The following FMNL3 variants were observed in gnomAD, a reference collection of about 807,000 sequenced individuals.
FMNL3 encodes formin-like protein 3.
FMNL3 carries 57 observed loss-of-function variants against 119.6 expected under a neutral mutation model. The observed-to-expected ratio is 0.48, with a 90% CI of 0.39 to 0.59. FMNL3 has a LOEUF of 0.59. Among genes scored for constraint, FMNL3 ranks in the 20% least tolerant of loss-of-function variants. The pLI is 0.00. For missense variants in FMNL3, 1,053 were observed against 1,323.5 expected (o/e 0.80, Z 3.17); for synonymous variants, 491 against 507.3 (o/e 0.97, Z 0.43).
intron 2 of FMNL3, among the ~76,000 whole-genome samples, chr12:49,668,213 C>T (rs1297907521): frequency 6.6e-6 from 1 of 152,242 alleles, no homozygotes; most frequent in Non-Finnish European, 1.5e-5. Flanking sequence ...TACCCCTGAT[C>T]TACACAAATC....
intron 1 of FMNL3, among the ~76,000 whole-genome samples, chr12:49,696,515 A>G (rs1944754781): frequency 6.6e-6 from 1 of 152,234 alleles, no homozygotes; most frequent in Non-Finnish European, 1.5e-5. Context: ...TTTTGTTTAC[A>G]GAATAATTAC....
intron 16 of FMNL3, 139 bp from the exon 17 acceptor site, chr12:49,651,017 T>G: frequency 6.9e-7 from 1 of 1,453,948 alleles, no homozygotes; most frequent in Non-Finnish European, 9.5e-7. Flanking sequence ...TTGACACAAC[T>G]AGAAATATAC....
chr12:49,642,701 T>A lies in FMNL3; in HGVS notation c.*3114A>T. ...GTGAGGCAGGCTTGTCCTCTGGATC[T>A]GCCTCAGGCCCTTGAACTCATTAGA... On this transcript the variant is annotated 3_prime_UTR_variant, in exon 26 of 26. Transcript: ENST00000335154. The surrounding 1 kb of genome is among the most constrained non-coding windows in gnomAD (Gnocchi z 5.8). 6.2e-7 allele frequency: 1 copy of A among 1,607,482 alleles called. No homozygotes were observed. The highest frequency in any genetic ancestry group is 8.5e-7 in the Non-Finnish European group (1 of 1,176,496).
intron 25 of FMNL3, among the ~76,000 whole-genome samples, 160 bp from the exon 26 acceptor site, chr12:49,646,063 C>G (rs1340585770): frequency 6.6e-6 from 1 of 152,086 alleles, no homozygotes; most frequent in Non-Finnish European, 1.5e-5. Context: ...GGGGAAATTG[C>G]TGGTTGGGGA....
chr12:49,706,648 C>G (rs1405514742), intron 1 of FMNL3, among the ~76,000 whole-genome samples: 2 of 152,166 alleles, frequency 1.3e-5, no homozygotes, highest in East Asian at 3.9e-4. Flanking sequence ...CTCAGGGAAG[C>G]CTGCTGAGGA....
rs1351374649 is a variant in FMNL3, at chr12:49,640,936, G to C, written c.*4879C>G. 1 of 152,102 alleles carries C rather than the reference G, an allele frequency of 6.6e-6. No homozygotes were observed. The highest frequency in any genetic ancestry group is 1.5e-5 in the Non-Finnish European group (1 of 68,030). 9.4% of individuals were successfully genotyped at this position (152,102 alleles called of 1,614,324 possible). On this transcript the variant is annotated 3_prime_UTR_variant, in exon 26 of 26. Transcript: ENST00000335154. ...CTGAGAATGAATGCTGTGTTGATAA[G>C]GACTGTAGCAGGGTTGAGGAAGTAC...
intron 25 of FMNL3, 114 bp from the exon 26 acceptor site, chr12:49,646,017 C>T: frequency 1.2e-6 from 1 of 851,430 alleles, no homozygotes; most frequent in Non-Finnish European, 1.8e-6. Context: ...GGCAGATAAA[C>T]AGGAGGCTTA....
chr12:49,689,721 TAAG>T (rs1944554581), intron 1 of FMNL3, among the ~76,000 whole-genome samples: 2 of 152,134 alleles, frequency 1.3e-5, no homozygotes, highest in South Asian at 4.1e-4. Flanking sequence ...TTCAAAAAAA[TAAG>T]AAATGTTCAG....
chr12:49,682,156 T>C (rs1288381447), intron 1 of FMNL3, among the ~76,000 whole-genome samples: 5 of 151,696 alleles, frequency 3.3e-5, no homozygotes, highest in African/African-American at 7.3e-5. Context: ...CTGCAAGCTC[T>C]GCCTTCCAGG....
At chr12:49,656,705 C>A in intron 8 of FMNL3, 118 bp downstream of exon 8, 1 of 1,076,248 alleles carries the variant, frequency 9.3e-7, no homozygotes, top group Non-Finnish European at 1.4e-6. Flanking sequence ...GAGGAGGGGG[C>A]CAAACCAAGG....
Position 49,707,269 on chromosome 12 carries a change from G to C in FMNL3, c.-89C>G, listed in dbSNP as rs1592708643. On this transcript the variant is annotated 5_prime_UTR_variant, in exon 1 of 26. Coordinates refer to ENST00000335154, the MANE Select transcript of FMNL3 (RefSeq NM_175736.5). Reference sequence around the variant, plus strand: ...CGGCTCCGACCAGGCTCCTCCCTCAGCGCCGGCTCCCCGAGTCCCGACTCC... The same window carrying C: ...CGGCTCCGACCAGGCTCCTCCCTCACCGCCGGCTCCCCGAGTCCCGACTCC... The C allele has an allele frequency of 4.0e-6, 5 of 1,258,934 alleles. No individual in the cohort carries two copies. The East Asian group carries it at 1.5e-4, about 39-fold the overall frequency. The allele number at this position is 1,258,934 out of a possible 1,614,324, so 78.0% of individuals were successfully genotyped here. A position where few individuals can be genotyped will look rare whatever the true frequency, so the allele number is the denominator to read the frequency against.
intron 16 of FMNL3, 44 bp from the exon 17 acceptor site, chr12:49,650,922 T>G: frequency 1.2e-6 from 2 of 1,602,318 alleles, no homozygotes; most frequent in Non-Finnish European, 1.7e-6. Context: ...AGCCTCATAC[T>G]AGTGGAGGAC....
intron 1 of FMNL3, among the ~76,000 whole-genome samples, chr12:49,682,373 A>T (rs1368029577): frequency 1.3e-5 from 2 of 151,986 alleles, no homozygotes. Flanking sequence ...CCTGGCCCTC[A>T]TACTATTTTT....
rs1407613437 is a variant in FMNL3 at position 49,640,638 on chromosome 12, C to G, written c.*5177G>C. On this transcript the variant is annotated 3_prime_UTR_variant, in exon 26 of 26. Transcript: ENST00000335154. ...TGAGACCTCCGTAAGTTCCGTGTCT[C>G]TGAGCCTGTTTGCTCACCTGTAAAT... 6.6e-6 allele frequency: 1 copy of G among 152,204 alleles called. No individual in the cohort carries two copies. The highest frequency in any genetic ancestry group is 2.4e-5 in the African/African-American group (1 of 41,452). 9.4% of individuals were successfully genotyped at this position (152,204 alleles called of 1,614,324 possible).
chr12:49,659,455 G>T (rs1425093461), intron 5 of FMNL3, among the ~76,000 whole-genome samples: 1 of 151,964 alleles, frequency 6.6e-6, no homozygotes, highest in Non-Finnish European at 1.5e-5. Flanking sequence ...CTGTGGCCCA[G>T]GCTGGAATAC....
At chr12:49,703,657 A>G (rs1377654738) in intron 1 of FMNL3, among the ~76,000 whole-genome samples, 2 of 152,220 alleles carry the variant, frequency 1.3e-5, no homozygotes, top group Non-Finnish European at 2.9e-5. Flanking sequence ...ATCCATCTGC[A>G]GCACACTAGT....
In FMNL3 at chr12:49,644,626, T is replaced by A. The variant is rs1262128373; in HGVS notation, c.*1189A>T. On this transcript the variant is annotated 3_prime_UTR_variant, in exon 26 of 26. Transcript: ENST00000335154. ...CCACCCAGGACCTAATGTACGTGTG[T>A]TTTGTTTTTTGTTTTTTAAATAACA... The A allele has an allele frequency of 5.3e-6, 1 of 188,390 alleles. No homozygotes were observed. The highest frequency in any genetic ancestry group is 2.3e-5 in the African/African-American group (1 of 42,688). The allele number at this position is 188,390 out of a possible 1,614,324, so 11.7% of individuals were successfully genotyped here.
chr12:49,648,370 T>C lies in FMNL3; in HGVS notation c.2516-17A>G, dbSNP rs1259845604. 1 of 1,604,406 alleles carries C rather than the reference T, an allele frequency of 6.2e-7. No homozygotes were observed. Among genetic ancestry groups the C allele is most frequent in the Non-Finnish European group, 8.5e-7 (1 of 1,173,844 alleles). ...CCAGGGACACTGGTCACCAAAAGCCTGGCTGAGGAATGCCTAGGGCCTGGC... is the reference window on the plus strand; with the variant it reads ...CCAGGGACACTGGTCACCAAAAGCCCGGCTGAGGAATGCCTAGGGCCTGGC... On this transcript the variant is annotated splice_polypyrimidine_tract_variant and intron_variant, in intron 21 of 25. Transcript: ENST00000335154.
intron 16 of FMNL3, 22 bp downstream of exon 16, chr12:49,651,146 T>G (rs746868762): frequency 6.2e-7 from 1 of 1,610,368 alleles, no homozygotes; most frequent in South Asian, 1.1e-5. Context: ...ACCTTAGCCC[T>G]CTGGACCCCA....
Sources: gnomAD v4.1 joint callset for allele counts (sites outside exome capture counted in the v4.1 genomes callset) on GRCh38, gnomAD v4.1.1 for gene constraint, Gnocchi (gnomAD v3.1) non-coding constraint, MANE v1.5 for transcripts, NCBI Gene and HGNC (gene_info 2026-07-23, HGNC 2026-07-21) for gene names.